ZFHX2: variants seen among roughly 807,000 people sequenced by gnomAD.
ZFHX2 encodes zinc finger homeobox 2.
ZFHX2 carries 75 observed loss-of-function variants against 164.8 expected under a neutral mutation model. The observed-to-expected ratio is 0.46, with a 90% CI of 0.38 to 0.55. The LOEUF is 0.55. ZFHX2 is among the 20% of genes least tolerant of loss of function. The pLI, the probability that ZFHX2 is intolerant of heterozygous loss-of-function variation, is 0.00. For missense variants in ZFHX2, 2,933 were observed against 3,308.0 expected (o/e 0.89, Z 2.78); for synonymous variants, 1,217 against 1,351.4 (o/e 0.90, Z 2.18).
chr14:23,532,462 C>T, intron 3 of ZFHX2, 105 bp downstream of exon 3: 1 of 1,347,082 alleles, frequency 7.4e-7, no homozygotes, highest in Admixed American at 3.4e-5. Flanking sequence ...TCCTTTTTCT[C>T]CATTTGTCAC....
At chr14:23,527,177 C>A (rs1350159657) in intron 7 of ZFHX2, among the ~76,000 whole-genome samples, 1 of 152,194 alleles carries the variant, frequency 6.6e-6, no homozygotes, top group Non-Finnish European at 1.5e-5. Flanking sequence ...CTGGCTTCCT[C>A]TTTCCCCAAA....
Position 23,524,159 on chromosome 14 carries a change from G to C in ZFHX2, c.5783C>G (p.Ala1928Gly). The C allele has an allele frequency of 1.3e-6, 2 of 1,536,024 alleles. No homozygotes were observed. The highest frequency in any genetic ancestry group is 1.4e-5 in the African/African-American group (1 of 73,120). Residue 1928 changes from alanine (A) to glycine (G), a missense_variant, in exon 9 of 10, where the codon GCA (alanine) becomes GGA (glycine). Physicochemically the swap from Ala to Gly is moderately conservative, Grantham distance 60 (BLOSUM62 0). Transcript: ENST00000419474. The surrounding 1 kb of genome is among the most constrained non-coding windows in gnomAD (Gnocchi z 5.6). ...RSTPGGVPSP[A>G]VKPPATATPA... ...GGTGGCTGTGGCAGGCGGTTTCACT[G>C]CTGGACTAGGCACCCCCCCAGGGGT...
chr14:23,521,204 C>T lies in ZFHX2; in HGVS notation c.*758G>A, dbSNP rs61977702. On this transcript the variant is annotated 3_prime_UTR_variant, in exon 10 of 10. Coordinates refer to ENST00000419474, the MANE Select transcript of ZFHX2 (RefSeq NM_033400.3). ...TTGGCAGAGGGGTTTCTGGTGGCGG[C>T]ATCCCCTAGAGTCCAGGCCACAGGG... 2.9e-3 allele frequency: 442 copies of T among 152,510 alleles called. 2 individuals are homozygous for T. Among genetic ancestry groups the T allele is most frequent in the Non-Finnish European group, 5.1e-3 (349 of 68,220 alleles). 9.4% of individuals were successfully genotyped at this position (152,510 alleles called of 1,614,324 possible). A position where few individuals can be genotyped will look rare whatever the true frequency, so the allele number is the denominator to read the frequency against.
chr14:23,522,216 G>T lies in ZFHX2; in HGVS notation c.7465C>A (p.Arg2489=). ...CAGTGGTAGGTGCAGATGGGCACCC[G>T]CAATGGGGGTGGCATGGAGCCCCCA... The part of the protein sequence containing the change: ...GSGGSMPPPL[R]VPICTYHCLA... Residue 2489 remains arginine (R), a synonymous_variant, in exon 10 of 10, where the codon CGG becomes AGG. Coordinates refer to ENST00000419474, the MANE Select transcript of ZFHX2 (RefSeq NM_033400.3). 6.8e-7 allele frequency: 1 copy of T among 1,478,540 alleles called. No individual in the cohort carries two copies. The highest frequency in any genetic ancestry group is 9.0e-7 in the Non-Finnish European group (1 of 1,117,080). The allele number at this position is 1,478,540 out of a possible 1,614,324, so 91.6% of individuals were successfully genotyped here.
rs1235934663 is a variant in ZFHX2, at chr14:23,522,749, C to G, written c.6932G>C (p.Ser2311Thr). The G allele has an allele frequency of 7.2e-6, 11 of 1,536,388 alleles. No homozygotes were observed. Among genetic ancestry groups the G allele is most frequent in the Non-Finnish European group, 9.6e-6 (11 of 1,146,960 alleles). Reference sequence around the variant, plus strand: ...GGGGCCTGCAACTGGCTTTCGCTCACTGGAGACCTTGTCCCCCAAGGGCTC... The same window carrying G: ...GGGGCCTGCAACTGGCTTTCGCTCAGTGGAGACCTTGTCCCCCAAGGGCTC... Reference protein sequence around the residue: ...PTEPLGDKVSSERKPVAGPTS... With the variant: ...PTEPLGDKVSTERKPVAGPTS... Residue 2311 changes from serine to threonine, a missense_variant, in exon 10 of 10, where the codon AGT becomes ACT. Transcript: ENST00000419474.
intron 7 of ZFHX2, 49 bp downstream of exon 7, chr14:23,527,555 C>T (rs764618411): frequency 1.3e-6 from 2 of 1,532,036 alleles, no homozygotes; most frequent in Non-Finnish European, 1.7e-6. Flanking sequence ...CCCTCCTGCA[C>T]AGCCCTAATA....
Position 23,523,673 on chromosome 14 carries a change from G to A in ZFHX2, c.6269C>T (p.Pro2090Leu). ...MKACYEAYRT[P>L]TMQECEVLGE... Reference sequence around the variant, plus strand: ...CAGCACCTCACACTCCTGCATGGTGGGGGTGCGGTAAGCTTCATAGCAGGC... The same window carrying A: ...CAGCACCTCACACTCCTGCATGGTGAGGGTGCGGTAAGCTTCATAGCAGGC... The change falls in exon 9 of 10, where the codon CCC becomes CTC. Residue 2090 changes from proline (P) to leucine (L), a missense_variant. Coordinates refer to ENST00000419474, the MANE Select transcript of ZFHX2 (RefSeq NM_033400.3). This position sits in a 1 kb window ranked among gnomAD's most constrained non-coding sequence, Gnocchi z 4.1. The A allele has an allele frequency of 1.9e-6, 3 of 1,540,506 alleles. No homozygotes were observed. The highest frequency in any genetic ancestry group is 2.6e-6 in the Non-Finnish European group (3 of 1,148,870).
chr14:23,530,560 T>A, intron 4 of ZFHX2: 1 of 449,232 alleles, frequency 2.2e-6, no homozygotes, highest in Non-Finnish European at 4.2e-6. Flanking sequence ...GAAGGAAGCC[T>A]TGGCTGAATG....
chr14:23,533,168 G>C lies in ZFHX2; in HGVS notation c.2042-84C>G, dbSNP rs760133538. On this transcript the variant is annotated intron_variant, in intron 2 of 9. Coordinates refer to ENST00000419474, the MANE Select transcript of ZFHX2 (RefSeq NM_033400.3). The surrounding 1 kb of genome is among the most constrained non-coding windows in gnomAD (Gnocchi z 4.8). ...ATGTGGGGAGGTGGGTTAATGAGTA[G>C]GATAGTGCTCAGAGGGACTTATGGT... The C allele has an allele frequency of 1.3e-5, 19 of 1,447,564 alleles. No individual in the cohort carries two copies. The highest frequency in any genetic ancestry group is 1.6e-5 in the Non-Finnish European group (18 of 1,104,230). The allele number at this position is 1,447,564 out of a possible 1,614,324, so 89.7% of individuals were successfully genotyped here.
intron 6 of ZFHX2, chr14:23,529,463 T>C: frequency 2.0e-6 from 1 of 512,462 alleles, no homozygotes; most frequent in South Asian, 2.2e-5. Context: ...ATTCCTTTAT[T>C]CATCTTTCCC....
At position 23,524,819 on chromosome 14, in the gene ZFHX2, CCT is replaced by C. The variant is rs1566574039; in HGVS notation, c.5121_5122del (p.Glu1709ArgfsTer17). 2.6e-6 allele frequency: 4 copies of C among 1,536,994 alleles called. No homozygotes were observed. The highest frequency in any genetic ancestry group is 3.5e-6 in the Non-Finnish European group (4 of 1,147,144). On this transcript the variant is annotated frameshift_variant, in exon 9 of 10. Transcript: ENST00000419474. LOFTEE classifies it high-confidence loss of function. The surrounding 1 kb of genome is among the most constrained non-coding windows in gnomAD (Gnocchi z 5.6). ...TTCTTCCACCTCTTCCTCCTCTTCC[CCT>C]CTCTCTGCCTCTTCCTCCTCCTCTT...
At position 23,529,758 on chromosome 14, in the gene ZFHX2, C is replaced by T; in HGVS notation, c.2886G>A (p.Glu962=). ...TGGAAGGGCCAGTCTTGTTTTCTGT[C>T]TCTTCTGAAGCTGAGGATGAAAGAA... ...QNKTEQLASE[E]TENKTGPSRD... The change falls in exon 6 of 10, where the codon GAG becomes GAA. Residue 962 remains glutamate (E), a synonymous_variant. Coordinates refer to ENST00000419474, the MANE Select transcript of ZFHX2 (RefSeq NM_033400.3). 2 of 1,536,290 alleles carry T rather than the reference C, an allele frequency of 1.3e-6. No homozygotes were observed. Among genetic ancestry groups the T allele is most frequent in the Non-Finnish European group, 1.7e-6 (2 of 1,146,918 alleles).
rs537968101 is a variant in ZFHX2, at chr14:23,523,291, G to A, written c.6651C>T (p.Ala2217=). ...CCGGCGCCAGGCGAGGCAAGGTTGG[G>A]GCAGCCCCGAGGGGCATGGAGGCAG... ...TTPASMPLGA[A]PTLPRLAPVL... The change falls in exon 9 of 10, where the codon GCC becomes GCT. Residue 2217 remains alanine, a synonymous_variant. Coordinates refer to ENST00000419474, the MANE Select transcript of ZFHX2 (RefSeq NM_033400.3). This position sits in a 1 kb window ranked among gnomAD's most constrained non-coding sequence, Gnocchi z 4.1. The A allele has an allele frequency of 1.1e-4, 157 of 1,441,706 alleles. No individual in the cohort carries two copies. In the African/African-American group the frequency reaches 2.0e-3, roughly 19 times the overall value. The allele number at this position is 1,441,706 out of a possible 1,614,324, so 89.3% of individuals were successfully genotyped here. A position where few individuals can be genotyped will look rare whatever the true frequency, so the allele number is the denominator to read the frequency against.
chr14:23,522,604 T>G lies in ZFHX2; in HGVS notation c.7077A>C (p.Pro2359=), dbSNP rs1446221397. Residue 2359 remains proline (P), a synonymous_variant, in exon 10 of 10, where the codon CCA becomes CCC. Transcript: ENST00000419474. ...CCTGTAGCTGGGGGCCAAAGACAGC[T>G]GGCGGTGCTGTTCCCCCAGCAGGGG... ...PLPPAGGTAP[P]AVFGPQLQGA... 6.5e-7 allele frequency: 1 copy of G among 1,530,824 alleles called. No homozygotes were observed. Among genetic ancestry groups the G allele is most frequent in the African/African-American group, 1.4e-5 (1 of 72,852 alleles). 94.8% of individuals were successfully genotyped at this position (1,530,824 alleles called of 1,614,324 possible). A position where few individuals can be genotyped will look rare whatever the true frequency, so the allele number is the denominator to read the frequency against.
chr14:23,521,924 C>T lies in ZFHX2; in HGVS notation c.*38G>A, dbSNP rs536944766. On this transcript the variant is annotated 3_prime_UTR_variant, in exon 10 of 10. Transcript: ENST00000419474. ...CACCCCTTGGGGTAAAAGAGGGAGCCCTGAGGCCCTCCCCTCTCCCCATCT... is the reference window on the plus strand; with the variant it reads ...CACCCCTTGGGGTAAAAGAGGGAGCTCTGAGGCCCTCCCCTCTCCCCATCT... 6.5e-7 allele frequency: 1 copy of T among 1,534,528 alleles called. No homozygotes were observed. The highest frequency in any genetic ancestry group is 1.2e-5 in the South Asian group (1 of 83,406).
At position 23,521,667 on chromosome 14, in the gene ZFHX2, T is replaced by C. The variant is rs897851039; in HGVS notation, c.*295A>G. 1 of 386,872 alleles carries C rather than the reference T, an allele frequency of 2.6e-6. No homozygotes were observed. Among genetic ancestry groups the C allele is most frequent in the Non-Finnish European group, 4.7e-6 (1 of 214,606 alleles). The allele number at this position is 386,872 out of a possible 1,614,324, so 24.0% of individuals were successfully genotyped here. A position where few individuals can be genotyped will look rare whatever the true frequency, so the allele number is the denominator to read the frequency against. On this transcript the variant is annotated 3_prime_UTR_variant, in exon 10 of 10. Coordinates refer to ENST00000419474, the MANE Select transcript of ZFHX2 (RefSeq NM_033400.3). ...ATATTTTGTGTGTGGTAGGCAGACA[T>C]GTATGAATAATCAGGGTGCCAAGAT... is the stretch of plus-strand genomic sequence containing the variant.
intron 1 of ZFHX2, among the ~76,000 whole-genome samples, chr14:23,545,370 G>A (rs1453503104): frequency 6.6e-6 from 1 of 152,156 alleles, no homozygotes; most frequent in South Asian, 2.1e-4. Context: ...TCATTTCCCT[G>A]CGGAGGGGTC....
intron 1 of ZFHX2, among the ~76,000 whole-genome samples, chr14:23,536,008 A>G (rs889291909): frequency 2.0e-5 from 3 of 152,186 alleles, no homozygotes; most frequent in African/African-American, 7.2e-5. Context: ...TCTTGCCCTC[A>G]CCTACTGGAC....
intron 4 of ZFHX2, 44 bp downstream of exon 4, chr14:23,531,422 TCCCCACATCCTGCTG>T: frequency 1.5e-6 from 2 of 1,346,142 alleles, no homozygotes; most frequent in Non-Finnish European, 1.9e-6. Context: ...GCCCCCCTGC[TCCCCACATCCTGCTG>T]CCCTCCCTGC....
Sources: gnomAD v4.1 joint callset for allele counts (sites outside exome capture counted in the v4.1 genomes callset) on GRCh38, gnomAD v4.1.1 for gene constraint, Gnocchi (gnomAD v3.1) non-coding constraint, MANE v1.5 for transcripts, NCBI Gene and HGNC (gene_info 2026-07-23, HGNC 2026-07-21) for gene names.